The following C20orf173 variants were observed in gnomAD, a reference collection of about 807,000 sequenced individuals.
The protein encoded by C20orf173 is uncharacterized protein C20orf173.
In C20orf173, 22 loss-of-function variants were observed where a neutral mutation model predicts 26.7. That is an observed-to-expected ratio of 0.82 (90% CI 0.59 to 1.18). The LOEUF (loss-of-function observed/expected upper bound fraction) is 1.18, where lower values mean the gene tolerates loss of function less well. Among genes scored for constraint, C20orf173 ranks in the 50% most tolerant of loss-of-function variants. C20orf173 has a pLI of 0.00. For synonymous variants in C20orf173, 85 were observed against 96.4 expected (o/e 0.88, Z 0.69); for missense variants, 210 against 250.3 (o/e 0.84, Z 1.09).
At position 35,528,232 on chromosome 20, in the gene C20orf173, C is replaced by G; in HGVS notation, c.*25+1G>C. 6.4e-7 allele frequency: 1 copy of G among 1,551,854 alleles called. No homozygotes were observed. On this transcript the variant is annotated splice_donor_variant, in intron 5 of 5. Coordinates refer to ENST00000444723, the MANE Select transcript of C20orf173 (RefSeq NM_001145350.2). LOFTEE classifies it low-confidence loss of function (3UTR_SPLICE). ...CTACCCCTTTTCCTATTCCCCCTCA[C>G]CGTGTCTTTGCTATCTTCCACTCCA...
Position 35,528,848 on chromosome 20 carries a change from A to C in C20orf173, c.341T>G (p.Leu114Trp). The C allele has an allele frequency of 6.4e-7, 1 of 1,551,326 alleles. No individual in the cohort carries two copies. The highest frequency in any genetic ancestry group is 8.7e-7 in the Non-Finnish European group (1 of 1,146,892). Residue 114 changes from leucine to tryptophan, a missense_variant, in exon 3 of 6, where the codon TTG becomes TGG. Transcript: ENST00000444723. ...GMNSGSELGK[L>W]WRKLFKGIPR... Reference sequence around the variant, plus strand: ...AATCCCTTTAAACAGCTTCCTCCACAATTTCCCAAGCTCGCTCCCTGAGTT... The same window carrying C: ...AATCCCTTTAAACAGCTTCCTCCACCATTTCCCAAGCTCGCTCCCTGAGTT...
Position 35,528,695 on chromosome 20 carries a change from A to G in C20orf173, c.488+6T>C. The G allele has an allele frequency of 6.5e-7, 1 of 1,528,942 alleles. No homozygotes were observed. Among genetic ancestry groups the G allele is most frequent in the East Asian group, 2.5e-5 (1 of 40,706 alleles). 94.7% of individuals were successfully genotyped at this position (1,528,942 alleles called of 1,614,324 possible). ...TTCCTGCTCCCGCCCTCTCCCCAGC[A>G]CCCACCTGAAAACCACGGGGTATTG... On this transcript the variant is annotated splice_donor_region_variant and intron_variant, in intron 3 of 5. Transcript: ENST00000444723.
Position 35,528,893 on chromosome 20 carries a change from G to T in C20orf173, c.310-14C>A, listed in dbSNP as rs1239168372. 1 of 1,551,412 alleles carries T rather than the reference G, an allele frequency of 6.4e-7. No individual in the cohort carries two copies. The highest frequency in any genetic ancestry group is 1.4e-5 in the African/African-American group (1 of 73,132). On this transcript the variant is annotated splice_polypyrimidine_tract_variant and intron_variant, in intron 2 of 5. Transcript: ENST00000444723. ...TGAGTTCATGCCCTGGAAACAGCAA[G>T]AGGGAGATTGGGGGCTGGGCCCAGG... is the stretch of plus-strand genomic sequence containing the variant.
At chr20:35,521,609 ATT>A (rs111556808), downstream of C20orf173, among the ~76,000 whole-genome samples, 24 of 140,674 alleles carry the variant, frequency 1.7e-4, no homozygotes, top group Non-Finnish European at 1.6e-4. Flanking sequence ...GGGAAGACAG[ATT>A]TTTTTTTTTT....
downstream of C20orf173, chr20:35,523,157 C>G (rs923908783): frequency 2.0e-5 from 3 of 152,734 alleles, no homozygotes; most frequent in African/African-American, 7.2e-5. Flanking sequence ...TGAGCAGTTG[C>G]ATTTTCTGGA....
downstream of C20orf173, among the ~76,000 whole-genome samples, chr20:35,526,018 GGTCAAC>G (rs1215308197): frequency 4.6e-5 from 7 of 152,098 alleles, no homozygotes; most frequent in African/African-American, 1.7e-4. Context: ...TCTTGGTCTT[GGTCAAC>G]AGACTGGTAA....
downstream of C20orf173, among the ~76,000 whole-genome samples, chr20:35,523,889 C>T (rs1601344460): frequency 6.6e-6 from 1 of 152,294 alleles, no homozygotes; most frequent in Middle Eastern, 3.4e-3. Flanking sequence ...GCAGGAGGAT[C>T]ACTTGAGCCC....
chr20:35,522,381 CCT>C, downstream of C20orf173: 1 of 152,558 alleles, frequency 6.6e-6, no homozygotes, highest in East Asian at 1.9e-4. Context: ...GACCTCACTC[CCT>C]GACATACCCA....
Position 35,528,493 on chromosome 20 carries a change from C to T in C20orf173, c.540G>A (p.Lys180=). 6.4e-7 allele frequency: 1 copy of T among 1,551,750 alleles called. No homozygotes were observed. The highest frequency in any genetic ancestry group is 1.4e-5 in the African/African-American group (1 of 73,176). ...CTGAAGTCCACACCAGGTCAGAGAG[C>T]TTCCGCAGTAGCATCTCCAGCTGCA... The part of the protein sequence containing the change: ...SWMQLEMLLR[K]LSDLVWTSDA... Residue 180 remains lysine (K), a synonymous_variant, in exon 4 of 6, where the codon AAG becomes AAA. Coordinates refer to ENST00000444723, the MANE Select transcript of C20orf173 (RefSeq NM_001145350.2).
In C20orf173 at chr20:35,529,174, T is replaced by C; in HGVS notation, c.200A>G (p.His67Arg). The change falls in exon 2 of 6, where the codon CAC (histidine) becomes CGC (arginine). Residue 67 changes from histidine (H) to arginine (R), a missense_variant. Transcript: ENST00000444723. ...PSETLNCSSC[H>R]HTADEWNWLD... ...CCAGTTCCATTCGTCGGCTGTGTGGTGGCAGGAGGAGCAGTTGAGGGTCTC... is the reference window on the plus strand; with the variant it reads ...CCAGTTCCATTCGTCGGCTGTGTGGCGGCAGGAGGAGCAGTTGAGGGTCTC... 6 of 1,551,702 alleles carry C rather than the reference T, an allele frequency of 3.9e-6. No individual in the cohort carries two copies. The highest frequency in any genetic ancestry group is 4.4e-6 in the Non-Finnish European group (5 of 1,146,978).
intron 4 of C20orf173, 31 bp downstream of exon 4, chr20:35,528,420 C>G: frequency 1.3e-6 from 2 of 1,545,866 alleles, no homozygotes; most frequent in Non-Finnish European, 1.8e-6. Context: ...CTCACCCCCA[C>G]ACAGAGAATG....
downstream of C20orf173, among the ~76,000 whole-genome samples, chr20:35,525,445 G>C (rs1317931996): frequency 6.6e-6 from 1 of 152,036 alleles, no homozygotes; most frequent in African/African-American, 2.4e-5. Flanking sequence ...CCAGCTACTC[G>C]AGAGGCTGAG....
chr20:35,525,428 T>C (rs924312602), downstream of C20orf173, among the ~76,000 whole-genome samples: 1 of 152,184 alleles, frequency 6.6e-6, no homozygotes, highest in South Asian at 2.1e-4. Flanking sequence ...GGCGGGCACC[T>C]GTAATCCCAG....
In C20orf173 at chr20:35,528,684, C is replaced by A. The variant is rs770870045; in HGVS notation, c.488+17G>T. The A allele has an allele frequency of 6.3e-5, 96 of 1,528,546 alleles. No individual in the cohort carries two copies. The highest frequency in any genetic ancestry group is 7.5e-5 in the Non-Finnish European group (85 of 1,134,794). The allele number at this position is 1,528,546 out of a possible 1,614,324, so 94.7% of individuals were successfully genotyped here. A position where few individuals can be genotyped will look rare whatever the true frequency, so the allele number is the denominator to read the frequency against. ...CAGGCCTGGCCTTCCTGCTCCCGCCCTCTCCCCAGCACCCACCTGAAAACC... is the reference window on the plus strand; with the variant it reads ...CAGGCCTGGCCTTCCTGCTCCCGCCATCTCCCCAGCACCCACCTGAAAACC... On this transcript the variant is annotated intron_variant, in intron 3 of 5. Transcript: ENST00000444723.
Position 35,528,479 on chromosome 20 carries a change from A to T in C20orf173, c.554T>A (p.Val185Glu). Residue 185 changes from valine to glutamate, a missense_variant, in exon 4 of 6, where the codon GTG becomes GAG. Transcript: ENST00000444723. ...ATCACTTAGAGCATCTGAAGTCCAC[A>T]CCAGGTCAGAGAGCTTCCGCAGTAG... Reference protein sequence around the residue: ...EMLLRKLSDLVWTSDALSDKI... With the variant: ...EMLLRKLSDLEWTSDALSDKI... 6.4e-7 allele frequency: 1 copy of T among 1,551,656 alleles called. No homozygotes were observed. The highest frequency in any genetic ancestry group is 8.7e-7 in the Non-Finnish European group (1 of 1,146,992).
At chr20:35,521,708 A>G (rs1489627124), downstream of C20orf173, among the ~76,000 whole-genome samples, 2 of 151,654 alleles carry the variant, frequency 1.3e-5, no homozygotes, top group Non-Finnish European at 2.9e-5. Flanking sequence ...TCCCAGGTTC[A>G]AGCGATTTTC....
At position 35,527,043 on chromosome 20, in the gene C20orf173, C is replaced by T. The variant is rs1025291829; in HGVS notation, c.*233G>A. ...TTACAATTTCCTCCTGCCCTTTACC[C>T]ACCCAGAAATAGGATTTGTATGGAC... is the stretch of plus-strand genomic sequence containing the variant. On this transcript the variant is annotated 3_prime_UTR_variant, in exon 6 of 6. Transcript: ENST00000444723. 6.6e-6 allele frequency: 1 copy of T among 152,176 alleles called. No homozygotes were observed. Among genetic ancestry groups the T allele is most frequent in the African/African-American group, 2.4e-5 (1 of 41,424 alleles). 9.4% of individuals were successfully genotyped at this position (152,176 alleles called of 1,614,324 possible).
Position 35,528,223 on chromosome 20 carries a change from TC to T in C20orf173, c.*25+9del, listed in dbSNP as rs140771218. The T allele has an allele frequency of 0.026, 39,654 of 1,550,858 alleles. 649 individuals carry two copies. Among genetic ancestry groups the T allele is most frequent in the African/African-American group, 0.075 (5,499 of 72,948 alleles). ...AGCCACATCCTACCCCTTTTCCTAT[TC>T]CCCCTCACCGTGTCTTTGCTATCTT... On this transcript the variant is annotated intron_variant, in intron 5 of 5. Coordinates refer to ENST00000444723, the MANE Select transcript of C20orf173 (RefSeq NM_001145350.2).
downstream of C20orf173, among the ~76,000 whole-genome samples, chr20:35,524,425 A>G (rs1193554815): frequency 6.6e-6 from 1 of 152,224 alleles, no homozygotes; most frequent in Non-Finnish European, 1.5e-5. Context: ...AAAAAGATTT[A>G]CATACCCAAG....
Sources: allele counts gnomAD v4.1 joint callset (sites outside exome capture counted in the v4.1 genomes callset), GRCh38; gene constraint gnomAD v4.1.1; transcripts MANE v1.5; gene names NCBI Gene and HGNC (gene_info 2026-07-23, HGNC 2026-07-21).